The following EGFL6 variants were observed in gnomAD, a reference collection of about 807,000 sequenced individuals.
EGFL6 encodes the protein EGF like domain multiple 6.
EGFL6 carries 42 observed loss-of-function variants against 43.1 expected under a neutral mutation model. The observed-to-expected ratio is 0.98, with a 90% CI of 0.76 to 1.26. The LOEUF (loss-of-function observed/expected upper bound fraction) is 1.26, where lower values mean the gene tolerates loss of function less well. Ranked by LOEUF, EGFL6 falls within the 50% of genes most tolerant of loss-of-function variation. The pLI, the probability that EGFL6 is intolerant of heterozygous loss-of-function variation, is 0.00. For missense variants in EGFL6, 429 were observed against 427.8 expected (o/e 1.00, Z -0.02); for synonymous variants, 164 against 163.2 (o/e 1.01, Z -0.04).
At chrX:13,602,738 C>T (rs1051174349) in intron 4 of EGFL6, among the ~76,000 whole-genome samples, 5 of 112,294 alleles carry the variant, frequency 4.5e-5, no homozygotes, top group African/African-American at 1.3e-4. Flanking sequence ...ATGGCCACTC[C>T]TTGCTGAAGG....
intron 7 of EGFL6, 120 bp downstream of exon 7, chrX:13,608,566 TCTCA>T: frequency 1.1e-6 from 1 of 902,788 alleles, no homozygotes; most frequent in South Asian, 2.5e-5. Flanking sequence ...TCTCCCTTAC[TCTCA>T]CTCTGTGTGT....
At chrX:13,579,150 A>T (rs2045491639) in intron 1 of EGFL6, among the ~76,000 whole-genome samples, 1 of 109,399 alleles carries the variant, frequency 9.1e-6, no homozygotes, top group Non-Finnish European at 1.9e-5. Flanking sequence ...TATATAGATA[A>T]ATTCACGTCA....
At chrX:13,596,384 A>C (rs2045597376) in intron 3 of EGFL6, 1 of 110,938 alleles carries the variant, frequency 9.0e-6, no homozygotes. Context: ...TGTGGAGAGG[A>C]CGACCATCCC....
At chrX:13,578,734 A>C (rs2045489010) in intron 1 of EGFL6, among the ~76,000 whole-genome samples, 1 of 108,931 alleles carries the variant, frequency 9.2e-6, no homozygotes, top group South Asian at 4.0e-4. Context: ...AACAATGAGA[A>C]CACTTGGACA....
intron 9 of EGFL6, among the ~76,000 whole-genome samples, chrX:13,623,562 C>T (rs371358968): frequency 3.1e-4 from 33 of 106,465 alleles, no homozygotes; most frequent in Middle Eastern, 4.7e-3. Context: ...TTAGTAGAGA[C>T]GGAGTTTCAC....
chrX:13,577,531 G>A (rs1378071800), intron 1 of EGFL6, among the ~76,000 whole-genome samples: 2 of 108,519 alleles, frequency 1.8e-5, no homozygotes, highest in East Asian at 5.6e-4. Context: ...GTCCACATGA[G>A]AGAATCAGGG....
In EGFL6 at chrX:13,625,774, T is replaced by C. The variant is rs1409842676; in HGVS notation, c.1286-1237T>C. On this transcript the variant is annotated intron_variant, in intron 10 of 11. Coordinates refer to ENST00000361306, the MANE Select transcript of EGFL6 (RefSeq NM_015507.4). Reference sequence around the variant, plus strand: ...GGCGGCATACACCTGTGATCCCAGCTATTCAGGAGGCTGAAGTGGAAGGAT... The same window carrying C: ...GGCGGCATACACCTGTGATCCCAGCCATTCAGGAGGCTGAAGTGGAAGGAT... 2.1e-4 allele frequency among the ~76,000 whole-genome samples: 23 copies of C among 106,980 alleles called. 1 individual carries two copies. The highest frequency in any genetic ancestry group is 5.8e-5 in the Non-Finnish European group (3 of 52,014). The allele number at this position is 106,980 out of a possible 115,157, so 92.9% of individuals were successfully genotyped here.
At chrX:13,631,425 G>T (rs1363359972) in intron 11 of EGFL6, among the ~76,000 whole-genome samples, 12 of 110,893 alleles carry the variant, frequency 1.1e-4, no homozygotes, top group Non-Finnish European at 1.9e-5. Context: ...AATATTTCTA[G>T]TGTTTTATCT....
At chrX:13,603,603 A>C (rs1312452385) in intron 5 of EGFL6, among the ~76,000 whole-genome samples, 167 bp downstream of exon 5, 2 of 112,860 alleles carry the variant, frequency 1.8e-5, no homozygotes, top group Non-Finnish European at 3.7e-5. Flanking sequence ...TATGCTCTAA[A>C]CATACTTTGG....
At chrX:13,572,343 T>C (rs1284880804) in intron 1 of EGFL6, among the ~76,000 whole-genome samples, 3 of 112,670 alleles carry the variant, frequency 2.7e-5, no homozygotes, top group African/African-American at 9.7e-5. Flanking sequence ...TCATTTGATA[T>C]TGATTACATG....
intron 9 of EGFL6, among the ~76,000 whole-genome samples, chrX:13,620,692 C>A (rs778168191): frequency 9.0e-6 from 1 of 111,279 alleles, no homozygotes; most frequent in South Asian, 3.8e-4. Context: ...ACTTATTGCC[C>A]ATTTTCCTGG....
Position 13,598,558 on chromosome X carries a change from A to AGTTGTTGTT in EGFL6, c.281-1392_281-1384dup, listed in dbSNP as rs72060307. 1.8e-3 allele frequency among the ~76,000 whole-genome samples: 186 copies of AGTTGTTGTT among 104,856 alleles called. 1 individual carries two copies. Among genetic ancestry groups the AGTTGTTGTT allele is most frequent in the African/African-American group, 6.2e-3 (178 of 28,854 alleles). The allele number at this position is 104,856 out of a possible 115,157, so 91.1% of individuals were successfully genotyped here. ...TTAATAAAAATGTTACTTATTCTTA[A>AGTTGTTGTT]GTTGTTGTTGTTGTTGTTGTTGTTG... On this transcript the variant is annotated intron_variant, in intron 3 of 11. Transcript: ENST00000361306.
rs950304467 is a variant in EGFL6, at chrX:13,631,302, G to C, written c.1552-1683G>C. Among the ~76,000 whole-genome samples the C allele has an allele frequency of 8.0e-5, 9 of 111,877 alleles. No individual in the cohort carries two copies. In the Admixed American group the frequency reaches 8.5e-4, roughly 11 times the overall value. ...AGATTGTAGAAACCCTCTAGGCCTAGTCTGCTCTTTATGGGAGGCATGGGA... is the reference window on the plus strand; with the variant it reads ...AGATTGTAGAAACCCTCTAGGCCTACTCTGCTCTTTATGGGAGGCATGGGA... On this transcript the variant is annotated intron_variant, in intron 11 of 11. Coordinates refer to ENST00000361306, the MANE Select transcript of EGFL6 (RefSeq NM_015507.4).
intron 10 of EGFL6, among the ~76,000 whole-genome samples, chrX:13,625,885 C>CAAAAAAAAAAAAAAAAAA (rs755901799): frequency 3.2e-5 from 1 of 30,893 alleles, no homozygotes; most frequent in African/African-American, 1.1e-4. Context: ...GACCCTGCCT[C>CAAAAAAAAAAAAAAAAAA]AAAAAAAAAA....
intron 5 of EGFL6, 133 bp downstream of exon 5, chrX:13,603,569 G>T: frequency 1.3e-6 from 1 of 791,760 alleles, no homozygotes; most frequent in Non-Finnish European, 1.7e-6. Context: ...ATTTATATCA[G>T]TTTCTGAGAT....
At chrX:13,611,528 C>G (rs780256739) in intron 7 of EGFL6, among the ~76,000 whole-genome samples, 52 of 112,230 alleles carry the variant, frequency 4.6e-4, no homozygotes, top group Admixed American at 3.2e-3. Context: ...CTTTCTTCCT[C>G]GTCATTTGAT....
At chrX:13,616,603 T>C (rs1226249263) in intron 7 of EGFL6, among the ~76,000 whole-genome samples, 2 of 106,203 alleles carry the variant, frequency 1.9e-5, no homozygotes, top group Admixed American at 2.0e-4. Context: ...AGAGTGAAAC[T>C]CTGTCTCAAA....
chrX:13,623,558 G>C (rs181141626), intron 9 of EGFL6, among the ~76,000 whole-genome samples: 109 of 106,672 alleles, frequency 1.0e-3, no homozygotes, highest in Middle Eastern at 9.3e-3. Flanking sequence ...ATTTTTAGTA[G>C]AGACGGAGTT....
intron 1 of EGFL6, among the ~76,000 whole-genome samples, chrX:13,584,129 T>C (rs1271896229): frequency 2.7e-5 from 3 of 112,029 alleles, no homozygotes; most frequent in Non-Finnish European, 5.6e-5. Context: ...AGAAAAGAGA[T>C]AGCTAAGGCA....
Sources: allele counts gnomAD v4.1 joint callset (sites outside exome capture counted in the v4.1 genomes callset), GRCh38; gene constraint gnomAD v4.1.1; transcripts MANE v1.5; gene names NCBI Gene and HGNC (gene_info 2026-07-23, HGNC 2026-07-21).